The following PLAC1 variants were observed in gnomAD, a reference collection of about 807,000 sequenced individuals.
PLAC1 encodes placenta-specific protein 1.
For missense variants in PLAC1, 136 were observed against 163.2 expected, an observed-to-expected ratio of 0.83 and a Z score of 0.91; for synonymous variants, 68 against 62.1, an observed-to-expected ratio of 1.09 and a Z score of -0.44.
intron 2 of PLAC1, among the ~76,000 whole-genome samples, chrX:134,573,911 G>A (rs186346020): frequency 6.3e-4 from 70 of 111,723 alleles, no homozygotes; most frequent in African/African-American, 2.2e-3. Context: ...CTCCTGAGAC[G>A]TAGAGAAGGT....
chrX:134,727,410 A>C (rs1188076101), intron 2 of PLAC1, among the ~76,000 whole-genome samples: 1 of 112,134 alleles, frequency 8.9e-6, no homozygotes, highest in African/African-American at 3.2e-5. Flanking sequence ...GTAATTTATG[A>C]GTTATTTGAA....
chrX:134,653,723 G>A (rs1028822770), intron 1 of PLAC1, among the ~76,000 whole-genome samples: 6 of 111,420 alleles, frequency 5.4e-5, no homozygotes, highest in Middle Eastern at 4.6e-3. Context: ...TCCTAGGGCC[G>A]CTTCTAGTAG....
At chrX:134,729,405 A>C (rs1381349480) in intron 2 of PLAC1, among the ~76,000 whole-genome samples, 1 of 112,121 alleles carries the variant, frequency 8.9e-6, no homozygotes, top group Non-Finnish European at 1.9e-5. Context: ...ATAGAACGAG[A>C]AAACTGAGGC....
At chrX:134,630,807 G>A (rs1199593486) in intron 1 of PLAC1, among the ~76,000 whole-genome samples, 2 of 111,939 alleles carry the variant, frequency 1.8e-5, no homozygotes, top group African/African-American at 6.5e-5. Context: ...CTACTTTAGA[G>A]AGTTGTTGTG....
intron 2 of PLAC1, among the ~76,000 whole-genome samples, chrX:134,579,984 G>A (rs113486819): frequency 0.017 from 1,873 of 111,943 alleles, 31 homozygotes; most frequent in African/African-American, 0.057. Context: ...ATATAGATGG[G>A]CCGTTTAATT....
chrX:134,635,585 C>T (rs553659644), intron 1 of PLAC1, among the ~76,000 whole-genome samples: 1 of 111,776 alleles, frequency 8.9e-6, no homozygotes, highest in African/African-American at 3.3e-5. Context: ...AGCAATTCCC[C>T]TGCCTCGGCC....
At chrX:134,598,103 T>C (rs1463066496) in intron 2 of PLAC1, among the ~76,000 whole-genome samples, 1 of 112,554 alleles carries the variant, frequency 8.9e-6, no homozygotes, top group African/African-American at 3.2e-5. Context: ...CTACTCCATC[T>C]TTCTAAAAGC....
At chrX:134,678,172 T>C (rs1340528550) in intron 2 of PLAC1, among the ~76,000 whole-genome samples, 3 of 111,132 alleles carry the variant, frequency 2.7e-5, no homozygotes, top group Non-Finnish European at 5.7e-5. Context: ...ACTCCCCTCA[T>C]CTGTAGACTC....
chrX:134,675,123 G>A (rs1414513145), intron 2 of PLAC1, among the ~76,000 whole-genome samples: 1 of 112,206 alleles, frequency 8.9e-6, no homozygotes, highest in Non-Finnish European at 1.9e-5. Context: ...TCTAGGATCA[G>A]TGGGCTTTGT....
intron 1 of PLAC1, among the ~76,000 whole-genome samples, chrX:134,623,690 C>T (rs2078222228): frequency 9.0e-6 from 1 of 111,286 alleles, no homozygotes. Context: ...ACTGATGATT[C>T]TGGCTCCTGT....
intron 1 of PLAC1, among the ~76,000 whole-genome samples, chrX:134,653,478 C>T (rs1305323274): frequency 8.9e-6 from 1 of 112,192 alleles, no homozygotes; most frequent in East Asian, 2.8e-4. Flanking sequence ...ACATTTCAGG[C>T]AGTGTGACAA....
At chrX:134,619,717 C>A (rs913384644) in intron 1 of PLAC1, among the ~76,000 whole-genome samples, 1 of 109,831 alleles carries the variant, frequency 9.1e-6, no homozygotes, top group Admixed American at 9.7e-5. Context: ...AAATGATAAA[C>A]TAGAGATCAA....
chrX:134,610,742 C>A (rs1337640024), intron 1 of PLAC1, among the ~76,000 whole-genome samples: 1 of 111,868 alleles, frequency 8.9e-6, no homozygotes, highest in Non-Finnish European at 1.9e-5. Context: ...ACTACAACAA[C>A]CAGTAATCCT....
chrX:134,595,262 T>C (rs2078057023), intron 2 of PLAC1, among the ~76,000 whole-genome samples: 2 of 111,177 alleles, frequency 1.8e-5, no homozygotes, highest in South Asian at 7.5e-4. Context: ...TTTGTTGTGG[T>C]TTCTTTTATG....
chrX:134,682,845 C>T (rs1602905118), intron 2 of PLAC1, among the ~76,000 whole-genome samples: 1 of 111,537 alleles, frequency 9.0e-6, no homozygotes, highest in South Asian at 3.8e-4. Flanking sequence ...CATGAGCCAC[C>T]ATGCCCGGCC....
chrX:134,750,194 G>T (rs113969479), intron 1 of PLAC1, among the ~76,000 whole-genome samples: 3,362 of 111,387 alleles, frequency 0.03, 125 homozygotes, highest in African/African-American at 0.1. Flanking sequence ...CTTTTAGTTT[G>T]TTTCTTATTC....
At chrX:134,614,458 T>C (rs2078169541) in intron 1 of PLAC1, among the ~76,000 whole-genome samples, 1 of 111,279 alleles carries the variant, frequency 9.0e-6, no homozygotes, top group Non-Finnish European at 1.9e-5. Flanking sequence ...AAATTCTACA[T>C]ATAAGTGAGA....
chrX:134,738,372 G>A (rs1311941778), intron 1 of PLAC1, among the ~76,000 whole-genome samples: 1 of 111,696 alleles, frequency 9.0e-6, no homozygotes, highest in Non-Finnish European at 1.9e-5. Context: ...ACACAAGGCA[G>A]ACAATCCTCA....
chrX:134,589,701 T>C (rs1412098117), intron 2 of PLAC1, among the ~76,000 whole-genome samples: 1 of 92,975 alleles, frequency 1.1e-5, no homozygotes, highest in Non-Finnish European at 2.1e-5. Flanking sequence ...CACTCCAGCC[T>C]GGGTGACAGA....
Sources: allele counts gnomAD v4.1 joint callset (sites outside exome capture counted in the v4.1 genomes callset), GRCh38; gene constraint gnomAD v4.1.1; transcripts MANE v1.5; gene names NCBI Gene and HGNC (gene_info 2026-07-23, HGNC 2026-07-21).